The following VGLL4 variants were observed in gnomAD, a reference collection of about 807,000 sequenced individuals.
VGLL4 encodes the protein transcription cofactor vestigial-like protein 4.
Under a neutral mutation model 21.0 loss-of-function variants are expected in VGLL4, and 7 were observed. That is an observed-to-expected ratio of 0.33 (90% CI 0.19 to 0.63). VGLL4 has a LOEUF of 0.63. Ranked by LOEUF, VGLL4 falls within the 20% of genes least tolerant of loss-of-function variation. The pLI is 0.78. For synonymous variants in VGLL4, 222 were observed against 173.2 expected (o/e 1.28, Z -2.21); for missense variants, 394 against 425.7 (o/e 0.93, Z 0.66).
intron 2 of VGLL4, among the ~76,000 whole-genome samples, chr3:11,593,631 A>AAGGAAGAGGGAGGGAAGAGG (rs1298601696): frequency 3.3e-5 from 5 of 152,240 alleles, no homozygotes; most frequent in African/African-American, 7.2e-5. Context: ...AATGCAAGCA[A>AAGGAAGAGGGAGGGAAGAGG]AGGAAGAGGG....
At chr3:11,650,746 G>C (rs1010186956) in intron 2 of VGLL4, among the ~76,000 whole-genome samples, 4 of 136,596 alleles carry the variant, frequency 2.9e-5, no homozygotes, top group South Asian at 2.3e-4. Context: ...CACACACACA[G>C]ACACACACTT....
At chr3:11,652,339 C>T (rs1206155062) in intron 2 of VGLL4, among the ~76,000 whole-genome samples, 1 of 152,078 alleles carries the variant, frequency 6.6e-6, no homozygotes, top group Non-Finnish European at 1.5e-5. Context: ...AAATTGATGC[C>T]AAGTGATTAA....
At chr3:11,701,856 T>C (rs1353611500) in intron 2 of VGLL4, among the ~76,000 whole-genome samples, 2 of 152,188 alleles carry the variant, frequency 1.3e-5, no homozygotes, top group Admixed American at 1.3e-4. Context: ...AAAGAACTGT[T>C]CCTACATGAA....
At chr3:11,627,763 G>A (rs1327208434) in intron 1 of VGLL4, among the ~76,000 whole-genome samples, 2 of 152,130 alleles carry the variant, frequency 1.3e-5, no homozygotes, top group Non-Finnish European at 2.9e-5. Context: ...AAAATACAAA[G>A]TGATATAACT....
Position 11,565,022 on chromosome 3 carries a change from G to A in VGLL4, c.273-3C>T, listed in dbSNP as rs748403265. ...AGTCTCCATTGGCAGTCTTGTTCCTGAAAAAGAGGAATGGGCATTCAGGGG... is the reference window on the plus strand; with the variant it reads ...AGTCTCCATTGGCAGTCTTGTTCCTAAAAAAGAGGAATGGGCATTCAGGGG... On this transcript the variant is annotated splice_region_variant and splice_polypyrimidine_tract_variant and intron_variant, in intron 2 of 4. Coordinates refer to ENST00000430365, the MANE Select transcript of VGLL4 (RefSeq NM_001128219.3). This position sits in a 1 kb window ranked among gnomAD's most constrained non-coding sequence, Gnocchi z 4.1. The A allele has an allele frequency of 4.1e-6, 6 of 1,475,822 alleles. No individual in the cohort carries two copies. The Admixed American group carries it at 1.3e-4, about 32-fold the overall frequency. 91.4% of individuals were successfully genotyped at this position (1,475,822 alleles called of 1,614,324 possible). A position where few individuals can be genotyped will look rare whatever the true frequency, so the allele number is the denominator to read the frequency against.
At chr3:11,662,390 T>C (rs1559931251) in intron 2 of VGLL4, among the ~76,000 whole-genome samples, 1 of 152,202 alleles carries the variant, frequency 6.6e-6, no homozygotes, top group Non-Finnish European at 1.5e-5. Context: ...AGCAAAATGT[T>C]CGTAATTCTA....
Position 11,558,167 on chromosome 3 carries a change from G to T in VGLL4, c.*389C>A. 3.9e-6 allele frequency: 1 copy of T among 256,124 alleles called. No homozygotes were observed. Among genetic ancestry groups the T allele is most frequent in the Admixed American group, 4.9e-5 (1 of 20,340 alleles). The allele number at this position is 256,124 out of a possible 1,614,324, so 15.9% of individuals were successfully genotyped here. On this transcript the variant is annotated 3_prime_UTR_variant, in exon 5 of 5. Coordinates refer to ENST00000430365, the MANE Select transcript of VGLL4 (RefSeq NM_001128219.3). The stretch of plus-strand genomic sequence containing the variant: ...GTGGAAGCTGAGCCACACACACCCC[G>T]GTCTCAAGAAGCAAAGGAAAAAGCA...
intron 2 of VGLL4, among the ~76,000 whole-genome samples, chr3:11,579,766 A>G (rs956892898): frequency 6.6e-6 from 1 of 152,100 alleles, no homozygotes; most frequent in African/African-American, 2.4e-5. Context: ...TCCAAACCAG[A>G]TGGTAATGGT....
At chr3:11,562,003 G>T (rs528158174) in intron 3 of VGLL4, among the ~76,000 whole-genome samples, 6 of 150,174 alleles carry the variant, frequency 4.0e-5, no homozygotes, top group African/African-American at 1.5e-4. Flanking sequence ...GGGTTCAAGC[G>T]ATTCTCCTGT....
chr3:11,645,930 C>A (rs915597065), upstream of VGLL4, among the ~76,000 whole-genome samples: 1 of 151,968 alleles, frequency 6.6e-6, no homozygotes, highest in Admixed American at 6.5e-5. Context: ...CAAGATTGTG[C>A]CACTGCACTC....
chr3:11,685,522 T>C (rs2076434228), intron 2 of VGLL4, among the ~76,000 whole-genome samples: 1 of 152,208 alleles, frequency 6.6e-6, no homozygotes, highest in Admixed American at 6.5e-5. Context: ...AATCTGTCAC[T>C]GATGCACAGT....
Position 11,568,107 on chromosome 3 carries a change from C to T in VGLL4, c.273-3088G>A, listed in dbSNP as rs902491153. Reference sequence around the variant, plus strand: ...CAGAAAGGCCCGGGAGGGGCTGCAGCTCCCAAGTGACAGCTCTGGATCCGG... The same window carrying T: ...CAGAAAGGCCCGGGAGGGGCTGCAGTTCCCAAGTGACAGCTCTGGATCCGG... On this transcript the variant is annotated intron_variant, in intron 2 of 4. Transcript: ENST00000430365. The surrounding 1 kb of genome is among the most constrained non-coding windows in gnomAD (Gnocchi z 5.9). Among the ~76,000 whole-genome samples, 1 of 152,228 alleles carries T rather than the reference C, an allele frequency of 6.6e-6. No individual in the cohort carries two copies. Among genetic ancestry groups the T allele is most frequent in the Non-Finnish European group, 1.5e-5 (1 of 68,044 alleles).
At chr3:11,589,811 C>G (rs2074443292) in intron 2 of VGLL4, among the ~76,000 whole-genome samples, 1 of 152,156 alleles carries the variant, frequency 6.6e-6, no homozygotes, top group Non-Finnish European at 1.5e-5. Flanking sequence ...AGCAAGATCG[C>G]TGTTTCTTCT....
At chr3:11,654,016 GTGT>G (rs1431838689) in intron 2 of VGLL4, among the ~76,000 whole-genome samples, 1 of 152,118 alleles carries the variant, frequency 6.6e-6, no homozygotes, top group African/African-American at 2.4e-5. Context: ...AAATTTGGGG[GTGT>G]TGTTAACATC....
At chr3:11,559,246 G>A (rs1029171519) in intron 4 of VGLL4, 86 bp downstream of exon 4, 32 of 1,453,540 alleles carry the variant, frequency 2.2e-5, no homozygotes, top group African/African-American at 7.1e-5. Context: ...GCTCAGGGGC[G>A]AGAGGTTTCA....
intron 2 of VGLL4, among the ~76,000 whole-genome samples, chr3:11,668,647 T>C (rs1041884475): frequency 6.6e-6 from 1 of 152,322 alleles, no homozygotes; most frequent in Non-Finnish European, 1.5e-5. Flanking sequence ...AGTCCAAGCC[T>C]CTGCAGAAAG....
In VGLL4 at chr3:11,686,003, T is replaced by A. The variant is rs114561553; in HGVS notation, c.64+16968A>T. Reference sequence around the variant, plus strand: ...AAACAACGAGATACCACCTCACGCTTACTAGGATAGCTACTATTTAAAAAA... The same window carrying A: ...AAACAACGAGATACCACCTCACGCTAACTAGGATAGCTACTATTTAAAAAA... On this transcript the variant is annotated intron_variant, in intron 2 of 5. Transcript: ENST00000273038. Among the ~76,000 whole-genome samples, 947 of 152,316 alleles carry A rather than the reference T, an allele frequency of 6.2e-3. 5 individuals are homozygous for A. Among genetic ancestry groups the A allele is most frequent in the African/African-American group, 0.019 (805 of 41,550 alleles).
At chr3:11,681,383 G>GTAT (rs2076368481) in intron 2 of VGLL4, among the ~76,000 whole-genome samples, 4 of 152,184 alleles carry the variant, frequency 2.6e-5, no homozygotes, top group Non-Finnish European at 5.9e-5. Context: ...AATACCCAGT[G>GTAT]TGCCTTTCTT....
At chr3:11,578,227 A>G (rs893178657) in intron 2 of VGLL4, among the ~76,000 whole-genome samples, 8 of 152,232 alleles carry the variant, frequency 5.3e-5, no homozygotes, top group Non-Finnish European at 8.8e-5. Context: ...GTGGTCACAT[A>G]AAAGTCTCCA....
Sources: allele counts gnomAD v4.1 joint callset (sites outside exome capture counted in the v4.1 genomes callset), GRCh38; gene constraint gnomAD v4.1.1; non-coding constraint Gnocchi (gnomAD v3.1); transcripts MANE v1.5; gene names NCBI Gene and HGNC (gene_info 2026-07-23, HGNC 2026-07-21).